The following MEIKIN variants were observed in gnomAD, a reference collection of about 807,000 sequenced individuals.
MEIKIN encodes the protein meiotic kinetochore factor, also known as meiosis-specific kinetochore protein.
chr5:131,917,464 G>T (rs1391364376), intron 6 of MEIKIN, among the ~76,000 whole-genome samples: 1 of 151,554 alleles, frequency 6.6e-6, no homozygotes, highest in Non-Finnish European at 1.5e-5. Context: ...TACTTGGGAG[G>T]CTGGGGCACG....
chr5:131,944,490 C>G (rs1253114603), intron 3 of MEIKIN, 175 bp downstream of exon 3: 1 of 390,946 alleles, frequency 2.6e-6, no homozygotes, highest in Non-Finnish European at 4.5e-6. Flanking sequence ...ATGAATCTAC[C>G]CAAGTCAGAA....
At chr5:131,861,336 C>T (rs1750282083) in intron 9 of MEIKIN, among the ~76,000 whole-genome samples, 1 of 151,750 alleles carries the variant, frequency 6.6e-6, no homozygotes, top group South Asian at 2.1e-4. Flanking sequence ...TTGCAGGAGC[C>T]AAGATTGCAC....
intron 8 of MEIKIN, among the ~76,000 whole-genome samples, chr5:131,891,359 T>C (rs1478775291): frequency 6.6e-6 from 1 of 152,194 alleles, no homozygotes; most frequent in African/African-American, 2.4e-5. Flanking sequence ...TCTAAGTCTC[T>C]TTGTAGGTCA....
chr5:131,937,131 A>T (rs1301853692), intron 4 of MEIKIN, among the ~76,000 whole-genome samples: 1 of 152,054 alleles, frequency 6.6e-6, no homozygotes, highest in African/African-American at 2.4e-5. Context: ...TAGATAAGAG[A>T]CTCTGATTCC....
chr5:131,816,545 C>T (rs953653023), intron 12 of MEIKIN, among the ~76,000 whole-genome samples: 1 of 152,334 alleles, frequency 6.6e-6, no homozygotes, highest in Non-Finnish European at 1.5e-5. Flanking sequence ...CCCAGCTATA[C>T]TTCTACAGCT....
At chr5:131,859,211 T>C (rs1421217087) in intron 9 of MEIKIN, among the ~76,000 whole-genome samples, 1 of 152,184 alleles carries the variant, frequency 6.6e-6, no homozygotes, top group African/African-American at 2.4e-5. Context: ...AAAGAAAATG[T>C]GGTACATATA....
chr5:131,923,411 T>C (rs1751538722), intron 5 of MEIKIN, among the ~76,000 whole-genome samples: 3 of 152,120 alleles, frequency 2.0e-5, no homozygotes, highest in Admixed American at 1.3e-4. Flanking sequence ...CTTTTTTCTG[T>C]TATCTTTTCC....
rs140149056 is a variant in MEIKIN at position 131,933,526 on chromosome 5, T to A, written c.465A>T (p.Lys155Asn). Residue 155 changes from lysine to asparagine, a missense_variant, in exon 5 of 13, where the codon AAA (lysine) becomes AAT (asparagine). By Grantham distance (94) the Lys-to-Asn change is moderately conservative (BLOSUM62 0). Transcript: ENST00000442687. ...ESFPSPELFR[K>N]SDYLDWECPN... is the part of the protein sequence containing the mutation. ...TTACTTTCTCACCTAAATAATCTGA[T>A]TTTCTGAACAGTTCAGGTGATGGAA... 2 of 398,830 alleles carry A rather than the reference T, an allele frequency of 5.0e-6. No homozygotes were observed. Among genetic ancestry groups the A allele is most frequent in the East Asian group, 7.1e-5 (2 of 28,024 alleles). 24.7% of individuals were successfully genotyped at this position (398,830 alleles called of 1,614,324 possible). A position where few individuals can be genotyped will look rare whatever the true frequency, so the allele number is the denominator to read the frequency against.
chr5:131,905,991 C>A (rs1240668276), intron 8 of MEIKIN, among the ~76,000 whole-genome samples: 1 of 152,054 alleles, frequency 6.6e-6, no homozygotes, highest in African/African-American at 2.4e-5. Flanking sequence ...AACAATGACG[C>A]CAAAAGAAAT....
intron 11 of MEIKIN, among the ~76,000 whole-genome samples, chr5:131,836,609 A>G (rs1749812791): frequency 6.6e-6 from 1 of 151,994 alleles, no homozygotes; most frequent in African/African-American, 2.4e-5. Flanking sequence ...GTGAGATGAT[A>G]TCTCATTGTG....
intron 3 of MEIKIN, among the ~76,000 whole-genome samples, chr5:131,943,719 C>T (rs535580563): frequency 2.0e-5 from 3 of 152,028 alleles, no homozygotes; most frequent in Admixed American, 2.0e-4. Flanking sequence ...TCTACAAGGA[C>T]TACTTTACAC....
chr5:131,823,127 C>A (rs563691555), intron 11 of MEIKIN, among the ~76,000 whole-genome samples: 4 of 151,912 alleles, frequency 2.6e-5, no homozygotes, highest in African/African-American at 4.8e-5. Context: ...TTTTCTCTAT[C>A]CTTGACCTTT....
chr5:131,944,940 C>T, intron 2 of MEIKIN, 188 bp from the exon 3 acceptor site: 1 of 397,996 alleles, frequency 2.5e-6, no homozygotes, highest in Non-Finnish European at 4.4e-6. Context: ...CAATTTATCT[C>T]ACTTCCTTTT....
At chr5:131,922,824 T>C (rs1156928556) in intron 5 of MEIKIN, among the ~76,000 whole-genome samples, 1 of 152,234 alleles carries the variant, frequency 6.6e-6, no homozygotes, top group African/African-American at 2.4e-5. Flanking sequence ...TCTGGTGGTA[T>C]ATCAAAACCA....
At chr5:131,880,322 C>T (rs1214660810) in intron 8 of MEIKIN, among the ~76,000 whole-genome samples, 1 of 149,258 alleles carries the variant, frequency 6.7e-6, no homozygotes, top group East Asian at 2.0e-4. Context: ...AGGCTGGTCT[C>T]AAACTCCTGA....
intron 10 of MEIKIN, among the ~76,000 whole-genome samples, chr5:131,852,844 G>T (rs1750137690): frequency 6.9e-6 from 1 of 145,450 alleles, no homozygotes; most frequent in Admixed American, 7.0e-5. Context: ...GTTGATATTT[G>T]TAAAATAGTC....
At chr5:131,903,114 C>A (rs1751186025) in intron 8 of MEIKIN, among the ~76,000 whole-genome samples, 1 of 151,900 alleles carries the variant, frequency 6.6e-6, no homozygotes, top group Admixed American at 6.6e-5. Flanking sequence ...GAAACAATGA[C>A]AAAGAATGAA....
At chr5:131,871,174 C>T (rs979471790) in intron 9 of MEIKIN, among the ~76,000 whole-genome samples, 1 of 152,186 alleles carries the variant, frequency 6.6e-6, no homozygotes, top group African/African-American at 2.4e-5. Flanking sequence ...GTGCAGTGCA[C>T]CGTGCGCAAG....
At chr5:131,848,371 A>G (rs765984368) in intron 11 of MEIKIN, among the ~76,000 whole-genome samples, 2 of 152,164 alleles carry the variant, frequency 1.3e-5, no homozygotes, top group African/African-American at 4.8e-5. Flanking sequence ...CCAAAAAGAG[A>G]ATTACAAAGA....
Sources: gnomAD v4.1 joint callset for allele counts (sites outside exome capture counted in the v4.1 genomes callset) on GRCh38, gnomAD v4.1.1 for gene constraint, MANE v1.5 for transcripts, NCBI Gene and HGNC (gene_info 2026-07-23, HGNC 2026-07-21) for gene names.